The following CERS1 variants were observed in gnomAD, a reference collection of about 807,000 sequenced individuals.
CERS1 encodes ceramide synthase 1, also known as Embryonic growth/differentiation factor 1.
A neutral mutation model predicts 35.7 loss-of-function variants in CERS1; 16 were observed. The observed-to-expected ratio is 0.45, with a 90% CI of 0.30 to 0.68. The LOEUF (loss-of-function observed/expected upper bound fraction) is 0.68, where lower values mean the gene tolerates loss of function less well. Among genes scored for constraint, CERS1 ranks in the 30% least tolerant of loss-of-function variants. The probability of loss-of-function intolerance (pLI) is 0.08; values close to 1 mark genes in which losing one functional copy is unlikely to be tolerated. For missense variants in CERS1, 454 were observed against 453.9 expected, an observed-to-expected ratio of 1.00 and a Z score of 0.00; for synonymous variants, 243 against 201.6, an observed-to-expected ratio of 1.21 and a Z score of -1.74.
chr19:18,868,673 A>G lies in CERS1; in HGVS notation c.*1312T>C. Reference sequence around the variant, plus strand: ...CACGTTGTCGCTGTTGTCAAAGAAGAGCACGGAGATGGGCGACAGGCGCGC... The same window carrying G: ...CACGTTGTCGCTGTTGTCAAAGAAGGGCACGGAGATGGGCGACAGGCGCGC... On this transcript the variant is annotated 3_prime_UTR_variant, in exon 8 of 8. Coordinates refer to ENST00000623882, the MANE Select transcript of CERS1 (RefSeq NM_021267.5). 1 of 1,573,810 alleles carries G rather than the reference A, an allele frequency of 6.4e-7. No homozygotes were observed. Among genetic ancestry groups the G allele is most frequent in the South Asian group, 1.2e-5 (1 of 85,944 alleles).
rs73526949 is a variant in CERS1, at chr19:18,895,650, T to C, written c.249+174A>G. ...CGCGGCGGCCCGAGAGACCTTATCC[T>C]GGGGCTCCAACGTCCTGGGCCTCTC... On this transcript the variant is annotated intron_variant, in intron 1 of 7. Coordinates refer to ENST00000623882, the MANE Select transcript of CERS1 (RefSeq NM_021267.5). This position sits in a 1 kb window ranked among gnomAD's most constrained non-coding sequence, Gnocchi z 6.4. 0.01 allele frequency among the ~76,000 whole-genome samples: 1,581 copies of C among 150,996 alleles called. 22 individuals carry two copies. Among genetic ancestry groups the C allele is most frequent in the African/African-American group, 0.035 (1,418 of 40,972 alleles).
At chr19:18,880,211 TC>T in intron 4 of CERS1, 62 bp downstream of exon 4, 1 of 1,455,326 alleles carries the variant, frequency 6.9e-7, no homozygotes, top group Non-Finnish European at 9.1e-7. Flanking sequence ...CCGCCCCTTT[TC>T]TGGACACACC....
rs1363443064 is a variant in CERS1 at position 18,868,983 on chromosome 19, A to G, written c.*1002T>C. On this transcript the variant is annotated 3_prime_UTR_variant, in exon 8 of 8. Transcript: ENST00000623882. Reference sequence around the variant, plus strand: ...CGCCGCGGCCGGGCCAGGGGGTGGCACAGGCGCGGGTCGAGGGTCACCAGC... The same window carrying G: ...CGCCGCGGCCGGGCCAGGGGGTGGCGCAGGCGCGGGTCGAGGGTCACCAGC... The G allele has an allele frequency of 4.4e-6, 5 of 1,133,154 alleles. No individual in the cohort carries two copies. The highest frequency in any genetic ancestry group is 1.7e-5 in the African/African-American group (1 of 59,218). The allele number at this position is 1,133,154 out of a possible 1,614,324, so 70.2% of individuals were successfully genotyped here. A position where few individuals can be genotyped will look rare whatever the true frequency, so the allele number is the denominator to read the frequency against.
rs1438404071 is a variant in CERS1 at position 18,869,991 on chromosome 19, G to A, written c.*586C>T. The stretch of plus-strand genomic sequence containing the variant: ...GCGAAAGCCCCACTCACCGCGGTCC[G>A]GGATGTGGCGCACGATGTTTCCGGC... On this transcript the variant is annotated 3_prime_UTR_variant, in exon 7 of 8. Transcript: ENST00000623882. 8 of 1,592,042 alleles carry A rather than the reference G, an allele frequency of 5.0e-6. No individual in the cohort carries two copies. The South Asian group carries it at 5.7e-5, about 11-fold the overall frequency.
rs2055951287 is a variant in CERS1 at position 18,870,623 on chromosome 19, G to A, written c.1011-4C>T. The A allele has an allele frequency of 3.5e-6, 2 of 575,516 alleles. No homozygotes were observed. The highest frequency in any genetic ancestry group is 2.0e-5 in the African/African-American group (1 of 50,698). 35.7% of individuals were successfully genotyped at this position (575,516 alleles called of 1,614,324 possible). A position where few individuals can be genotyped will look rare whatever the true frequency, so the allele number is the denominator to read the frequency against. ...CAGGCCGTTCCTCAGTGGCTTCCTG[G>A]GGGTCAGAACCGGCGCAGGTTAGCC... On this transcript the variant is annotated splice_region_variant and splice_polypyrimidine_tract_variant and intron_variant, in intron 6 of 7. Transcript: ENST00000623882. The surrounding 1 kb of genome is among the most constrained non-coding windows in gnomAD (Gnocchi z 5.1).
At position 18,868,824 on chromosome 19, in the gene CERS1, C is replaced by A; in HGVS notation, c.*1161G>T. 1 of 1,457,428 alleles carries A rather than the reference C, an allele frequency of 6.9e-7. No individual in the cohort carries two copies. Among genetic ancestry groups the A allele is most frequent in the Non-Finnish European group, 9.1e-7 (1 of 1,095,122 alleles). 90.3% of individuals were successfully genotyped at this position (1,457,428 alleles called of 1,614,324 possible). On this transcript the variant is annotated 3_prime_UTR_variant, in exon 8 of 8. Coordinates refer to ENST00000623882, the MANE Select transcript of CERS1 (RefSeq NM_021267.5). The stretch of plus-strand genomic sequence containing the variant: ...AGCGCGACGGGCAGCGCGCACTGAC[C>A]CTGGCAGTAGTTGGCCAGGAAGCCG...
At position 18,879,408 on chromosome 19, in the gene CERS1, G is replaced by A. The variant is rs1166067525; in HGVS notation, c.753-20C>T. On this transcript the variant is annotated intron_variant, in intron 4 of 7. Transcript: ENST00000623882. ...CAGAACCTGCGGTGGGAGGAGTCAG[G>A]AGGCCGTGGGTGGAGGGGGACGGTG... 1 of 1,552,958 alleles carries A rather than the reference G, an allele frequency of 6.4e-7. No homozygotes were observed. The highest frequency in any genetic ancestry group is 8.7e-7 in the Non-Finnish European group (1 of 1,148,202).
At chr19:18,872,241 A>G (rs2055983157) in intron 6 of CERS1, among the ~76,000 whole-genome samples, 1 of 152,216 alleles carries the variant, frequency 6.6e-6, no homozygotes, top group Non-Finnish European at 1.5e-5. Context: ...AAAAGCTTCA[A>G]AGTGTTCTCT....
intron 2 of CERS1, among the ~76,000 whole-genome samples, chr19:18,887,284 C>G (rs573562684): frequency 8.1e-4 from 124 of 152,272 alleles, no homozygotes; most frequent in African/African-American, 2.7e-3. Flanking sequence ...CTCCAGTGAT[C>G]TGAAATGCCC....
At chr19:18,875,668 C>T (rs770044646) in intron 6 of CERS1, among the ~76,000 whole-genome samples, 6 of 152,124 alleles carry the variant, frequency 3.9e-5, no homozygotes, top group Non-Finnish European at 7.3e-5. Flanking sequence ...TTTGTGGCCA[C>T]GTTCCTTAAT....
chr19:18,893,429 T>C lies in CERS1; in HGVS notation c.396A>G (p.Pro132=), dbSNP rs2056544743. 1.9e-6 allele frequency: 3 copies of C among 1,604,308 alleles called. No homozygotes were observed. Among genetic ancestry groups the C allele is most frequent in the African/African-American group, 2.7e-5 (2 of 74,720 alleles). ...CAGGGCCCCTACCGTAGAAGACAGA[T>C]GGTGGGTCATGGAAGAAGGGGTAGT... The part of the protein sequence containing the change: ...GTDYPFFHDP[P]SVFYDWTPGM... Residue 132 remains proline (P), a synonymous_variant, in exon 2 of 8, where the codon CCA becomes CCG. Transcript: ENST00000623882.
Position 18,878,966 on chromosome 19 carries a change from G to A in CERS1, c.974C>T (p.Thr325Ile), listed in dbSNP as rs1696944643. Residue 325 changes from threonine (T) to isoleucine (I), a missense_variant, in exon 6 of 8, where the codon ACA becomes ATA. Transcript: ENST00000623882. This position sits in a 1 kb window ranked among gnomAD's most constrained non-coding sequence, Gnocchi z 4.6. The stretch of plus-strand genomic sequence containing the variant: ...GGGCTTCAGGCTCTGGGCCTCGGCT[G>A]TGTCATACTCCCGCAGGTCCTTCAG... ...HELKDLREYD[T>I]AEAQSLKPSK... is the part of the protein sequence containing the mutation. The A allele has an allele frequency of 2.5e-6, 4 of 1,613,714 alleles. No homozygotes were observed. The highest frequency in any genetic ancestry group is 1.7e-5 in the Admixed American group (1 of 59,996).
chr19:18,894,663 C>T (rs1004380111), intron 1 of CERS1, among the ~76,000 whole-genome samples: 1 of 152,064 alleles, frequency 6.6e-6, no homozygotes, highest in Non-Finnish European at 1.5e-5. Flanking sequence ...GGATAAAGAC[C>T]ACTGCGGACC....
At chr19:18,890,537 G>A (rs1283270099) in intron 2 of CERS1, among the ~76,000 whole-genome samples, 1 of 152,084 alleles carries the variant, frequency 6.6e-6, no homozygotes, top group African/African-American at 2.4e-5. Flanking sequence ...CACCACTTTG[G>A]GAGGCTGAGG....
intron 4 of CERS1, 63 bp downstream of exon 4, chr19:18,880,211 T>C (rs974666017): frequency 2.1e-6 from 3 of 1,455,196 alleles, no homozygotes; most frequent in Non-Finnish European, 2.7e-6. Flanking sequence ...CCGCCCCTTT[T>C]CTGGACACAC....
At chr19:18,896,200 C>T (rs932548004), upstream of CERS1, 3 of 215,110 alleles carry the variant, frequency 1.4e-5, no homozygotes, top group African/African-American at 2.4e-5. This position sits in a 1 kb window ranked among gnomAD's most constrained non-coding sequence, Gnocchi z 5.9. Flanking sequence ...GGCGGAGGGG[C>T]GGGACCGGCG....
chr19:18,886,070 T>G (rs905960582), intron 2 of CERS1, among the ~76,000 whole-genome samples: 5 of 151,956 alleles, frequency 3.3e-5, no homozygotes, highest in East Asian at 3.9e-4. Context: ...CCTCCTCCTC[T>G]CCTCAGCCAC....
rs899391416 is a variant in CERS1 at position 18,868,788 on chromosome 19, C to T, written c.*1197G>A. 2.2e-5 allele frequency: 32 copies of T among 1,461,804 alleles called. No individual in the cohort carries two copies. The highest frequency in any genetic ancestry group is 5.0e-5 in the South Asian group (4 of 80,238). 90.6% of individuals were successfully genotyped at this position (1,461,804 alleles called of 1,614,324 possible). A position where few individuals can be genotyped will look rare whatever the true frequency, so the allele number is the denominator to read the frequency against. On this transcript the variant is annotated 3_prime_UTR_variant, in exon 8 of 8. Transcript: ENST00000623882. ...GCGTGGTTGAGCGCCGGCGGCCCCC[C>T]GGACCCCGACAGCGCGACGGGCAGC...
rs1439439062 is a variant in CERS1 at position 18,880,261 on chromosome 19, C to T, written c.752+13G>A. The T allele has an allele frequency of 1.3e-6, 2 of 1,544,668 alleles. No individual in the cohort carries two copies. The highest frequency in any genetic ancestry group is 1.7e-6 in the Non-Finnish European group (2 of 1,144,034). On this transcript the variant is annotated intron_variant, in intron 4 of 7. Coordinates refer to ENST00000623882, the MANE Select transcript of CERS1 (RefSeq NM_021267.5). ...CACACCTCCCTCCCTGCCCAGCACTCCCTACCACTCACCAGCTGAAGCCGA... is the reference window on the plus strand; with the variant it reads ...CACACCTCCCTCCCTGCCCAGCACTTCCTACCACTCACCAGCTGAAGCCGA...
Sources: allele counts gnomAD v4.1 joint callset (sites outside exome capture counted in the v4.1 genomes callset), GRCh38; gene constraint gnomAD v4.1.1; non-coding constraint Gnocchi (gnomAD v3.1); transcripts MANE v1.5; gene names NCBI Gene and HGNC (gene_info 2026-07-23, HGNC 2026-07-21).